OXSR1: variants seen among roughly 807,000 people sequenced by gnomAD.
The protein encoded by OXSR1 is serine/threonine-protein kinase OSR1.
OXSR1 carries 24 observed loss-of-function variants against 79.8 expected under a neutral mutation model. That is an observed-to-expected ratio of 0.30 (90% CI 0.22 to 0.42). The LOEUF (loss-of-function observed/expected upper bound fraction) is 0.42, where lower values mean the gene tolerates loss of function less well. OXSR1 is among the 10% of genes least tolerant of loss of function. The pLI is 1.00. For missense variants in OXSR1, 430 were observed against 618.4 expected, an observed-to-expected ratio of 0.70 and a Z score of 3.23; for synonymous variants, 226 against 209.2, an observed-to-expected ratio of 1.08 and a Z score of -0.69.
At chr3:38,251,493 C>T in intron 16 of OXSR1, 22 bp downstream of exon 16, 1 of 1,585,434 alleles carries the variant, frequency 6.3e-7, no homozygotes, top group Middle Eastern at 1.7e-4. Flanking sequence ...GCGTTCTGCT[C>T]ATGTGCTCCT....
intron 1 of OXSR1, among the ~76,000 whole-genome samples, chr3:38,175,527 G>A (rs1701661121): frequency 6.6e-6 from 1 of 152,260 alleles, no homozygotes; most frequent in East Asian, 1.9e-4. Context: ...TCTCAAACTT[G>A]TCAGCTCAAG....
At chr3:38,216,347 C>T (rs1340590864) in intron 5 of OXSR1, among the ~76,000 whole-genome samples, 196 bp downstream of exon 5, 1 of 152,152 alleles carries the variant, frequency 6.6e-6, no homozygotes, top group Non-Finnish European at 1.5e-5. Flanking sequence ...TGCTCTTAGA[C>T]ATTTTTTTCT....
At position 38,173,709 on chromosome 3, in the gene OXSR1, A is replaced by G. The variant is rs536811769; in HGVS notation, c.70+7763A>G. Among the ~76,000 whole-genome samples, 6 of 152,316 alleles carry G rather than the reference A, an allele frequency of 3.9e-5. No homozygotes were observed. In the South Asian group the frequency reaches 1.0e-3, roughly 26 times the overall value. Reference sequence around the variant, plus strand: ...CAAACAAGATTTTTTTTCCTTGAAAATATACCCCACTATGTGATTAATTCA... The same window carrying G: ...CAAACAAGATTTTTTTTCCTTGAAAGTATACCCCACTATGTGATTAATTCA... On this transcript the variant is annotated intron_variant, in intron 1 of 17. Coordinates refer to ENST00000311806, the MANE Select transcript of OXSR1 (RefSeq NM_005109.3).
intron 1 of OXSR1, among the ~76,000 whole-genome samples, chr3:38,166,907 A>G (rs185733363): frequency 2.0e-5 from 3 of 152,314 alleles, no homozygotes; most frequent in African/African-American, 7.2e-5. Context: ...ATTTCAAGGA[A>G]AATTCTTTTT....
intron 1 of OXSR1, among the ~76,000 whole-genome samples, chr3:38,171,215 C>T (rs1044303733): frequency 2.6e-5 from 4 of 152,174 alleles, no homozygotes; most frequent in Non-Finnish European, 5.9e-5. Flanking sequence ...GAGCTACAGC[C>T]TAGTATAAGT....
intron 1 of OXSR1, 24 bp from the exon 2 acceptor site, chr3:38,182,979 A>G: frequency 8.0e-7 from 1 of 1,252,818 alleles, no homozygotes. Flanking sequence ...CTACTTATTT[A>G]CTCTTTTATG....
intron 12 of OXSR1, among the ~76,000 whole-genome samples, 173 bp downstream of exon 12, chr3:38,242,951 AT>A (rs1575372187): frequency 6.6e-6 from 1 of 152,142 alleles, no homozygotes; most frequent in African/African-American, 2.4e-5. Flanking sequence ...TGCCTCTTTG[AT>A]TTTGTGAATT....
At chr3:38,206,571 C>T (rs551018072) in intron 4 of OXSR1, among the ~76,000 whole-genome samples, 2 of 150,516 alleles carry the variant, frequency 1.3e-5, no homozygotes, top group African/African-American at 4.9e-5. Context: ...TTTTGCTATT[C>T]GCTATAGAAA....
chr3:38,241,890 T>C lies in OXSR1; in HGVS notation c.1075-853T>C, dbSNP rs564693370. Among the ~76,000 whole-genome samples the C allele has an allele frequency of 6.6e-5, 10 of 151,496 alleles. No individual in the cohort carries two copies. In the East Asian group the frequency reaches 1.9e-3, roughly 29 times the overall value. Reference sequence around the variant, plus strand: ...TACCTGAACTTTGATTACTCCTTAATGAAATGGTGATAAAAGTGTTAAAAA... The same window carrying C: ...TACCTGAACTTTGATTACTCCTTAACGAAATGGTGATAAAAGTGTTAAAAA... On this transcript the variant is annotated intron_variant, in intron 11 of 17. Coordinates refer to ENST00000311806, the MANE Select transcript of OXSR1 (RefSeq NM_005109.3).
At chr3:38,221,213 A>G (rs1217232777) in intron 5 of OXSR1, among the ~76,000 whole-genome samples, 1 of 152,072 alleles carries the variant, frequency 6.6e-6, no homozygotes, top group Non-Finnish European at 1.5e-5. Flanking sequence ...AGCAAGGGGG[A>G]AAATCTGAGA....
At chr3:38,229,625 G>C (rs1264303177) in intron 8 of OXSR1, 62 bp from the exon 9 acceptor site, 5 of 1,387,418 alleles carry the variant, frequency 3.6e-6, no homozygotes, top group Non-Finnish European at 5.1e-6. Flanking sequence ...TTTGATGATG[G>C]AATCTGACAT....
At chr3:38,240,422 T>A (rs1703007635) in intron 11 of OXSR1, among the ~76,000 whole-genome samples, 1 of 151,948 alleles carries the variant, frequency 6.6e-6, no homozygotes, top group Admixed American at 6.6e-5. Flanking sequence ...TGGTGTGAAT[T>A]CAAGCTTTGT....
chr3:38,229,449 T>C (rs1702760048), intron 8 of OXSR1, among the ~76,000 whole-genome samples: 1 of 152,072 alleles, frequency 6.6e-6, no homozygotes, highest in Non-Finnish European at 1.5e-5. Flanking sequence ...ATTTCACTAA[T>C]GATTTTTTCA....
Position 38,206,498 on chromosome 3 carries a change from T to TAAA in OXSR1, c.434+7649_434+7651dup, listed in dbSNP as rs1175334961. Among the ~76,000 whole-genome samples, 32 of 136,338 alleles carry TAAA rather than the reference T, an allele frequency of 2.3e-4. No individual in the cohort carries two copies. In the South Asian group the frequency reaches 5.9e-3, roughly 25 times the overall value. The allele number at this position is 136,338 out of a possible 152,430, so 89.4% of individuals were successfully genotyped here. On this transcript the variant is annotated intron_variant, in intron 4 of 17. Coordinates refer to ENST00000311806, the MANE Select transcript of OXSR1 (RefSeq NM_005109.3). ...GATATGAATCCACTTATTGCATTCT[T>TAAA]AAAAAAAAAAAAAAAAGAGACAATG...
upstream of OXSR1, among the ~76,000 whole-genome samples, chr3:38,164,439 C>A (rs1375401604): frequency 3.3e-5 from 5 of 152,260 alleles, no homozygotes; most frequent in Admixed American, 3.3e-4. Flanking sequence ...AGCCACCGCA[C>A]CCGGCCTAAG....
intron 3 of OXSR1, among the ~76,000 whole-genome samples, chr3:38,198,435 G>C (rs1453062181): frequency 6.6e-6 from 1 of 152,144 alleles, no homozygotes; most frequent in African/African-American, 2.4e-5. Flanking sequence ...GGTTTACCTA[G>C]GGATTATTTA....
intron 5 of OXSR1, among the ~76,000 whole-genome samples, chr3:38,217,867 A>G (rs1402739891): frequency 6.6e-6 from 1 of 152,150 alleles, no homozygotes; most frequent in African/African-American, 2.4e-5. Context: ...GAACTCATAC[A>G]ATATTTGTCC....
At chr3:38,247,114 TAC>T (rs1212501477) in intron 13 of OXSR1, among the ~76,000 whole-genome samples, 5 of 152,132 alleles carry the variant, frequency 3.3e-5, no homozygotes, top group African/African-American at 4.8e-5. Context: ...TGGGAAAAGA[TAC>T]AGTTGTCTTA....
intron 12 of OXSR1, 30 bp downstream of exon 12, chr3:38,242,808 TA>T: frequency 7.3e-7 from 1 of 1,368,502 alleles, no homozygotes; most frequent in Non-Finnish European, 1.0e-6. Flanking sequence ...GAATCCTTGT[TA>T]AAGTAAATGT....
Sources: allele counts gnomAD v4.1 joint callset (sites outside exome capture counted in the v4.1 genomes callset), GRCh38; gene constraint gnomAD v4.1.1; transcripts MANE v1.5; gene names NCBI Gene and HGNC (gene_info 2026-07-23, HGNC 2026-07-21).